RGS22: variants seen among roughly 807,000 people sequenced by gnomAD.
RGS22 encodes regulator of G-protein signaling 22.
RGS22 carries 148 observed loss-of-function variants against 172.9 expected under a neutral mutation model. The observed-to-expected ratio is 0.86, with a 90% CI of 0.75 to 0.98. The LOEUF (loss-of-function observed/expected upper bound fraction) is 0.98. Ranked by LOEUF, RGS22 falls within the 50% of genes least tolerant of loss-of-function variation. RGS22 has a pLI of 0.00. For missense variants in RGS22, 1,347 were observed against 1,440.8 expected (o/e 0.93, Z 1.05); for synonymous variants, 458 against 480.2 (o/e 0.95, Z 0.60).
At chr8:99,987,761 T>G in intron 20 of RGS22, 142 bp from the exon 21 acceptor site, 1 of 496,658 alleles carries the variant, frequency 2.0e-6, no homozygotes. Context: ...TTCCTTTCTC[T>G]TTTGTCTCCT....
intron 7 of RGS22, among the ~76,000 whole-genome samples, chr8:100,064,864 C>T (rs1331685268): frequency 6.6e-6 from 1 of 152,170 alleles, no homozygotes; most frequent in Non-Finnish European, 1.5e-5. Flanking sequence ...TTCACCATTT[C>T]ATTAAAAGAT....
intron 19 of RGS22, among the ~76,000 whole-genome samples, chr8:99,998,706 A>C (rs1034426338): frequency 6.6e-6 from 1 of 152,144 alleles, no homozygotes; most frequent in Admixed American, 6.6e-5. Context: ...GCTAGAGTGC[A>C]CTGATGTGAT....
In RGS22 at chr8:100,100,448, T is replaced by G. The variant is rs145505120; in HGVS notation, c.54+4926A>C. Among the ~76,000 whole-genome samples, 516 of 152,196 alleles carry G rather than the reference T, an allele frequency of 3.4e-3. 8 individuals are homozygous for G. Among genetic ancestry groups the G allele is most frequent in the East Asian group, 4.8e-3 (25 of 5,178 alleles). ...GGTACTACAGGCATGTGCCATCACG[T>G]CCAGCTAATTTTTGTATTTTTGGTA... On this transcript the variant is annotated intron_variant, in intron 2 of 27. Transcript: ENST00000360863.
chr8:100,005,618 G>A (rs76712133), intron 16 of RGS22, among the ~76,000 whole-genome samples: 1,676 of 151,762 alleles, frequency 0.011, 29 homozygotes, highest in African/African-American at 0.035. Context: ...TTTCCCTATC[G>A]CTGTCACGCA....
chr8:99,982,807 TA>T (rs1235915164), intron 21 of RGS22, among the ~76,000 whole-genome samples: 2 of 152,210 alleles, frequency 1.3e-5, no homozygotes, highest in African/African-American at 2.4e-5. Flanking sequence ...ATGAGCCACT[TA>T]AAAAATTGTC....
chr8:99,977,412 C>G (rs982377099), intron 23 of RGS22, among the ~76,000 whole-genome samples: 11 of 151,696 alleles, frequency 7.3e-5, no homozygotes, highest in African/African-American at 2.4e-4. Context: ...CGTGAGGCAC[C>G]GTGTCTGGCC....
At chr8:99,971,509 A>T (rs1811342510) in intron 23 of RGS22, among the ~76,000 whole-genome samples, 1 of 152,240 alleles carries the variant, frequency 6.6e-6, no homozygotes, top group Admixed American at 6.5e-5. Context: ...CCTTAAGCTG[A>T]TAAGCAACTT....
intron 23 of RGS22, among the ~76,000 whole-genome samples, chr8:99,974,522 G>A (rs565206474): frequency 5.9e-5 from 9 of 152,244 alleles, no homozygotes; most frequent in Admixed American, 2.0e-4. Context: ...ATATAAGGCC[G>A]GGTGCAGTGG....
At chr8:100,104,055 G>A (rs569234039) in intron 2 of RGS22, among the ~76,000 whole-genome samples, 1 of 152,250 alleles carries the variant, frequency 6.6e-6, no homozygotes, top group African/African-American at 2.4e-5. Flanking sequence ...CAGTGGCTCG[G>A]GCCTGTAATC....
intron 22 of RGS22, among the ~76,000 whole-genome samples, chr8:99,980,317 G>T (rs1393984538): frequency 6.6e-6 from 1 of 152,208 alleles, no homozygotes; most frequent in East Asian, 1.9e-4. Context: ...GAGTTGGATG[G>T]TTTGGAGAGA....
intron 2 of RGS22, among the ~76,000 whole-genome samples, chr8:100,097,168 A>T (rs1004405883): frequency 5.9e-5 from 9 of 152,210 alleles, no homozygotes; most frequent in Admixed American, 4.6e-4. Flanking sequence ...TGGGGGCGAG[A>T]ATCAACTGAC....
At chr8:100,061,104 G>A (rs983954137) in intron 9 of RGS22, among the ~76,000 whole-genome samples, 1 of 152,144 alleles carries the variant, frequency 6.6e-6, no homozygotes. Context: ...AGGATAACTG[G>A]CTGGCCATAT....
chr8:100,059,963 C>T (rs141325214), intron 9 of RGS22, among the ~76,000 whole-genome samples: 25 of 152,208 alleles, frequency 1.6e-4, no homozygotes, highest in African/African-American at 5.3e-4. Flanking sequence ...TCGCCTCAAG[C>T]GATCCTCCTG....
chr8:100,035,356 C>T (rs1819327900), intron 14 of RGS22, among the ~76,000 whole-genome samples: 1 of 152,130 alleles, frequency 6.6e-6, no homozygotes, highest in Non-Finnish European at 1.5e-5. Context: ...CACATGAAAA[C>T]ATGCTCATCA....
intron 10 of RGS22, among the ~76,000 whole-genome samples, chr8:100,051,393 T>A (rs990397989): frequency 7.9e-6 from 1 of 126,156 alleles, no homozygotes; most frequent in African/African-American, 2.9e-5. Flanking sequence ...TTATATATAT[T>A]TTTATATATA....
chr8:100,059,847 A>G (rs1441463571), intron 9 of RGS22, among the ~76,000 whole-genome samples: 1 of 152,202 alleles, frequency 6.6e-6, no homozygotes, highest in East Asian at 1.9e-4. Flanking sequence ...GATACACAGT[A>G]TATCTTTGTA....
chr8:99,982,179 T>C, intron 21 of RGS22, 63 bp from the exon 22 acceptor site: 1 of 1,219,810 alleles, frequency 8.2e-7, no homozygotes, highest in Non-Finnish European at 1.1e-6. Flanking sequence ...TTAATAGAAC[T>C]GTATCAATAT....
chr8:100,034,766 C>A (rs1223619390), intron 14 of RGS22, among the ~76,000 whole-genome samples: 1 of 152,078 alleles, frequency 6.6e-6, no homozygotes. Context: ...GATATATAGA[C>A]CAATGGAACA....
intron 14 of RGS22, among the ~76,000 whole-genome samples, chr8:100,015,797 C>G (rs557393376): frequency 1.3e-5 from 2 of 152,286 alleles, no homozygotes; most frequent in Non-Finnish European, 2.9e-5. Context: ...TCTGACCAAG[C>G]AAGGCCAGAC....
Sources: allele counts gnomAD v4.1 joint callset (sites outside exome capture counted in the v4.1 genomes callset), GRCh38; gene constraint gnomAD v4.1.1; transcripts MANE v1.5; gene names NCBI Gene and HGNC (gene_info 2026-07-23, HGNC 2026-07-21).